The following CERS4 variants were observed in gnomAD, a reference collection of about 807,000 sequenced individuals.
CERS4 encodes ceramide synthase 4.
In CERS4, 65 loss-of-function variants were observed where a neutral mutation model predicts 51.8. The observed-to-expected ratio is 1.26, with a 90% CI of 1.03 to 1.54. The LOEUF is 1.54. Among genes scored for constraint, CERS4 ranks in the 40% most tolerant of loss-of-function variants. The pLI is 0.00. For synonymous variants in CERS4, 228 were observed against 208.4 expected (o/e 1.09, Z -0.81); for missense variants, 563 against 500.4 (o/e 1.13, Z -1.19).
chr19:8,218,905 G>C (rs1967414675), intron 2 of CERS4, among the ~76,000 whole-genome samples: 1 of 152,122 alleles, frequency 6.6e-6, no homozygotes, highest in Admixed American at 6.6e-5. Context: ...GGGTGGATGG[G>C]TATCAAGATG....
chr19:8,221,073 C>T lies in CERS4; in HGVS notation c.-2+10211C>T, dbSNP rs1283693391. On this transcript the variant is annotated intron_variant, in intron 2 of 11. Coordinates refer to ENST00000251363, the MANE Select transcript of CERS4 (RefSeq NM_024552.3). ...ATCTCCTGACCTTGTGATCTGCCCG[C>T]CTCGGCCTCCCAAAGTGCTGGGATT... Among the ~76,000 whole-genome samples the T allele has an allele frequency of 2.6e-5, 4 of 151,982 alleles. No homozygotes were observed. In the South Asian group the frequency reaches 6.2e-4, roughly 24 times the overall value.
At chr19:8,225,670 C>T (rs1250309216) in intron 2 of CERS4, among the ~76,000 whole-genome samples, 1 of 151,620 alleles carries the variant, frequency 6.6e-6, no homozygotes, top group African/African-American at 2.4e-5. Flanking sequence ...GTGATCCACC[C>T]ACCTCCGCCT....
At chr19:8,241,833 G>A (rs1035029934) in intron 2 of CERS4, among the ~76,000 whole-genome samples, 1 of 152,158 alleles carries the variant, frequency 6.6e-6, no homozygotes, top group East Asian at 1.9e-4. Context: ...GGTAGAACAA[G>A]GAGGGAATCT....
Position 8,257,020 on chromosome 19 carries a change from G to GC in CERS4, c.685dup (p.Leu229ProfsTer15). The GC allele has an allele frequency of 6.2e-7, 1 of 1,613,618 alleles. No homozygotes were observed. On this transcript the variant is annotated frameshift_variant, in exon 9 of 12. Coordinates refer to ENST00000251363, the MANE Select transcript of CERS4 (RefSeq NM_024552.3). LOFTEE classifies it high-confidence loss of function. ...TGACCTTCTCCTACAGTGCCAACCT[G>GC]CTGCGCATTGGCTCTCTGGTGCTGC...
intron 2 of CERS4, among the ~76,000 whole-genome samples, chr19:8,220,849 T>C (rs1159506067): frequency 6.8e-6 from 1 of 147,222 alleles, no homozygotes; most frequent in Non-Finnish European, 1.5e-5. Context: ...TGAGACGGAG[T>C]CTCGCTCTGT....
intron 3 of CERS4, among the ~76,000 whole-genome samples, 177 bp downstream of exon 3, chr19:8,251,426 T>C (rs17160333): frequency 0.14 from 21,161 of 152,220 alleles, 1,611 homozygotes; most frequent in South Asian, 0.17. Flanking sequence ...TGGCCTCTGA[T>C]GGCTGGTTTA....
chr19:8,221,888 T>TG (rs1568501270), intron 2 of CERS4, among the ~76,000 whole-genome samples: 5 of 116,210 alleles, frequency 4.3e-5, no homozygotes, highest in Non-Finnish European at 9.2e-5. Context: ...TTTTTTTTTT[T>TG]TTTTTTTTTT....
intron 2 of CERS4, among the ~76,000 whole-genome samples, chr19:8,216,745 G>T (rs1288140499): frequency 1.3e-5 from 2 of 152,098 alleles, no homozygotes; most frequent in South Asian, 2.1e-4. Flanking sequence ...TATGCAGTGG[G>T]CACCCGATAA....
chr19:8,247,128 G>A (rs2967619), intron 2 of CERS4, among the ~76,000 whole-genome samples: 3 of 151,940 alleles, frequency 2.0e-5, no homozygotes, highest in African/African-American at 4.8e-5. Flanking sequence ...ATCGTGCCAC[G>A]GTACTCCAGG....
At chr19:8,223,491 C>T (rs772861555) in intron 2 of CERS4, among the ~76,000 whole-genome samples, 87 of 152,020 alleles carry the variant, frequency 5.7e-4, no homozygotes, top group African/African-American at 2.0e-3. Context: ...TGGTTGCACA[C>T]GCCTGTAATC....
intron 2 of CERS4, among the ~76,000 whole-genome samples, chr19:8,227,489 T>C (rs1032152995): frequency 6.6e-6 from 1 of 151,844 alleles, no homozygotes; most frequent in Non-Finnish European, 1.5e-5. Context: ...GGAAGTAAGC[T>C]GGCCACCACG....
chr19:8,228,955 C>T (rs1443714245), intron 2 of CERS4, among the ~76,000 whole-genome samples: 3 of 149,994 alleles, frequency 2.0e-5, no homozygotes, highest in Non-Finnish European at 3.0e-5. Flanking sequence ...ACCCCTGGGG[C>T]GGAGGTTGCA....
chr19:8,217,185 C>A (rs116887167), intron 2 of CERS4, among the ~76,000 whole-genome samples: 1 of 151,966 alleles, frequency 6.6e-6, no homozygotes, highest in African/African-American at 2.4e-5. Context: ...TCTGAAAAGG[C>A]GACATTAGGG....
rs1423132849 is a variant in CERS4, at chr19:8,255,651, G to A, written c.336G>A (p.Gln112=). Residue 112 remains glutamine (Q), a synonymous_variant, in exon 5 of 12, where the codon CAG becomes CAA. Coordinates refer to ENST00000251363, the MANE Select transcript of CERS4 (RefSeq NM_024552.3). ...LLAAQCGLTL[Q]QTQRWFRRRR... ...CCGCCCAGTGTGGCCTCACGCTGCA[G>A]CAGACCCAGCGATGGTTCCGGAGAC... 5.6e-6 allele frequency: 9 copies of A among 1,612,932 alleles called. No homozygotes were observed. The highest frequency in any genetic ancestry group is 4.0e-5 in the African/African-American group (3 of 74,898).
chr19:8,256,937 C>T lies in CERS4; in HGVS notation c.613-12C>T, dbSNP rs575506989. 6 of 1,614,092 alleles carry T rather than the reference C, an allele frequency of 3.7e-6. No individual in the cohort carries two copies. Among genetic ancestry groups the T allele is most frequent in the East Asian group, 2.2e-5 (1 of 44,884 alleles). ...AAGCCTCGTCCCCACTATGACCCACCGTCTACTGCAGGATTTCAAGGAGCA... is the reference window on the plus strand; with the variant it reads ...AAGCCTCGTCCCCACTATGACCCACTGTCTACTGCAGGATTTCAAGGAGCA... On this transcript the variant is annotated splice_polypyrimidine_tract_variant and intron_variant, in intron 8 of 11. Transcript: ENST00000251363.
intron 1 of CERS4, chr19:8,209,942 G>C (rs1262707379): frequency 1.3e-5 from 2 of 152,442 alleles, no homozygotes; most frequent in East Asian, 1.9e-4. Context: ...CCCATCAGGC[G>C]GCCGGGGTGA....
chr19:8,254,721 A>C, intron 4 of CERS4, 105 bp downstream of exon 4: 2 of 958,906 alleles, frequency 2.1e-6, no homozygotes, highest in Non-Finnish European at 3.2e-6. Context: ...AGGTGGCTGC[A>C]GGCACCCCTG....
At chr19:8,247,178 G>A (rs1163716200) in intron 2 of CERS4, among the ~76,000 whole-genome samples, 2 of 152,064 alleles carry the variant, frequency 1.3e-5, no homozygotes, top group African/African-American at 4.8e-5. Flanking sequence ...AATGTTGGGG[G>A]AAATAATCCA....
chr19:8,222,685 ACGGGGTTTCT>A (rs1286891810), intron 2 of CERS4, among the ~76,000 whole-genome samples: 1 of 151,636 alleles, frequency 6.6e-6, no homozygotes, highest in Non-Finnish European at 1.5e-5. Context: ...TTTGGTAGAG[ACGGGGTTTCT>A]CCATGTTGGT....
Sources: allele counts gnomAD v4.1 joint callset (sites outside exome capture counted in the v4.1 genomes callset), GRCh38; gene constraint gnomAD v4.1.1; transcripts MANE v1.5; gene names NCBI Gene and HGNC (gene_info 2026-07-23, HGNC 2026-07-21).